The following CNTNAP2 variants were observed in gnomAD, a reference collection of about 807,000 sequenced individuals.
CNTNAP2 encodes the protein contactin associated protein 2.
Under a neutral mutation model 155.2 loss-of-function variants are expected in CNTNAP2, and 98 were observed. The observed-to-expected ratio is 0.63, with a 90% confidence interval of 0.54 to 0.75. The LOEUF is 0.75. Among genes scored for constraint, CNTNAP2 ranks in the 30% least tolerant of loss-of-function variants. The pLI, the probability that CNTNAP2 is intolerant of heterozygous loss-of-function variation, is 0.00. For synonymous variants in CNTNAP2, 651 were observed against 631.2 expected (o/e 1.03, Z -0.47); for missense variants, 1,727 against 1,688.1 (o/e 1.02, Z -0.40).
At chr7:147,470,297 T>C (rs754286511) in intron 10 of CNTNAP2, among the ~76,000 whole-genome samples, 16 of 152,162 alleles carry the variant, frequency 1.1e-4, no homozygotes, top group Non-Finnish European at 2.1e-4. Flanking sequence ...AGATGGTAGC[T>C]ATGGTAGTGT....
intron 3 of CNTNAP2, among the ~76,000 whole-genome samples, chr7:146,972,304 T>C (rs1196276794): frequency 6.6e-6 from 1 of 152,172 alleles, no homozygotes; most frequent in Non-Finnish European, 1.5e-5. Flanking sequence ...TAGCCTAGTA[T>C]TTCATTTAAA....
At chr7:146,277,649 G>A (rs2129084303) in intron 1 of CNTNAP2, among the ~76,000 whole-genome samples, 1 of 152,216 alleles carries the variant, frequency 6.6e-6, no homozygotes, top group Admixed American at 6.5e-5. Flanking sequence ...GTTTATATTT[G>A]TTTAATCTTA....
At chr7:148,050,683 C>A (rs553042926) in intron 15 of CNTNAP2, among the ~76,000 whole-genome samples, 1 of 152,336 alleles carries the variant, frequency 6.6e-6, no homozygotes, top group Admixed American at 6.5e-5. Flanking sequence ...TCACTCTCCA[C>A]TCACTCACTG....
chr7:146,169,681 T>A (rs1004464912), intron 1 of CNTNAP2, among the ~76,000 whole-genome samples: 1 of 151,804 alleles, frequency 6.6e-6, no homozygotes, highest in African/African-American at 2.4e-5. Flanking sequence ...ATATGATTTT[T>A]TTTTTTAGAT....
In CNTNAP2 at chr7:148,079,026, T is replaced by C. The variant is rs118189094; in HGVS notation, c.2384-39092T>C. Among the ~76,000 whole-genome samples, 1,225 of 152,338 alleles carry C rather than the reference T, an allele frequency of 8.0e-3. 9 individuals carry two copies. The highest frequency in any genetic ancestry group is 0.017 in the Middle Eastern group (5 of 294). On this transcript the variant is annotated intron_variant, in intron 15 of 23. Transcript: ENST00000361727. ...GTGGTGTCTACATCTTGAATAATTCTCACTGCATATCGTTGCTTGAATTGT... is the reference window on the plus strand; with the variant it reads ...GTGGTGTCTACATCTTGAATAATTCCCACTGCATATCGTTGCTTGAATTGT...
chr7:146,965,118 C>T (rs372889755), intron 3 of CNTNAP2, among the ~76,000 whole-genome samples: 23 of 152,084 alleles, frequency 1.5e-4, no homozygotes, highest in South Asian at 8.3e-4. Context: ...CATGTAAGAA[C>T]GGCAGGAAGG....
rs59510598 is a variant in CNTNAP2 at position 146,758,148 on chromosome 7, A to G, written c.98-16123A>G. Among the ~76,000 whole-genome samples, 986 of 152,278 alleles carry G rather than the reference A, an allele frequency of 6.5e-3. 7 individuals are homozygous for G. The highest frequency in any genetic ancestry group is 0.022 in the African/African-American group (916 of 41,564). On this transcript the variant is annotated intron_variant, in intron 1 of 23. Coordinates refer to ENST00000361727, the MANE Select transcript of CNTNAP2 (RefSeq NM_014141.6). Reference sequence around the variant, plus strand: ...CTGCTTAGCTTTCAAGGATCAGCACACTTTCAATCACTTTTTCTTAACACT... The same window carrying G: ...CTGCTTAGCTTTCAAGGATCAGCACGCTTTCAATCACTTTTTCTTAACACT...
intron 1 of CNTNAP2, among the ~76,000 whole-genome samples, chr7:146,686,346 C>T (rs772132035): frequency 3.3e-5 from 5 of 151,980 alleles, no homozygotes; most frequent in African/African-American, 4.8e-5. Context: ...AGTAGCAGTG[C>T]GATTGTACGT....
chr7:147,550,108 A>G (rs960836645), intron 11 of CNTNAP2, among the ~76,000 whole-genome samples: 2 of 152,208 alleles, frequency 1.3e-5, no homozygotes, highest in Non-Finnish European at 2.9e-5. Flanking sequence ...TTTTAACAAC[A>G]TAAATGCCTT....
In CNTNAP2 at chr7:147,512,422, A is replaced by T. The variant is rs117859062; in HGVS notation, c.1777+26381A>T. Among the ~76,000 whole-genome samples the T allele has an allele frequency of 3.5e-3, 529 of 152,340 alleles. 1 individual carries two copies. The highest frequency in any genetic ancestry group is 0.031 in the East Asian group (159 of 5,174). Reference sequence around the variant, plus strand: ...ACTAATTGTCCATACAACAGTTCCTAATGTTACATTTTAGTTAGATGATCT... The same window carrying T: ...ACTAATTGTCCATACAACAGTTCCTTATGTTACATTTTAGTTAGATGATCT... On this transcript the variant is annotated intron_variant, in intron 11 of 23. Coordinates refer to ENST00000361727, the MANE Select transcript of CNTNAP2 (RefSeq NM_014141.6).
Position 146,145,908 on chromosome 7 carries a change from T to C in CNTNAP2, c.97+28935T>C, listed in dbSNP as rs541488509. On this transcript the variant is annotated intron_variant, in intron 1 of 23. Coordinates refer to ENST00000361727, the MANE Select transcript of CNTNAP2 (RefSeq NM_014141.6). The stretch of plus-strand genomic sequence containing the variant: ...AGTTTGTGTCTGCTGCATTGCACTT[T>C]CAATATCTAGGACAGAATTTCATAC... Among the ~76,000 whole-genome samples, 14 of 152,314 alleles carry C rather than the reference T, an allele frequency of 9.2e-5. 1 individual carries two copies. The South Asian group carries it at 2.9e-3, about 32-fold the overall frequency.
At chr7:146,234,472 T>A (rs1235058393) in intron 1 of CNTNAP2, among the ~76,000 whole-genome samples, 2 of 146,400 alleles carry the variant, frequency 1.4e-5, no homozygotes, top group Non-Finnish European at 3.0e-5. Context: ...TTTAATTAGA[T>A]CCCATTTGTC....
chr7:148,013,640 A>G (rs999081661), intron 15 of CNTNAP2, among the ~76,000 whole-genome samples: 39 of 152,232 alleles, frequency 2.6e-4, no homozygotes, highest in African/African-American at 9.2e-4. Context: ...AGGAAAATCA[A>G]TTATTGGTGT....
At position 148,257,542 on chromosome 7, in the gene CNTNAP2, C is replaced by T. The variant is rs573527830; in HGVS notation, c.3382-9491C>T. Among the ~76,000 whole-genome samples the T allele has an allele frequency of 3.0e-4, 45 of 152,314 alleles. No individual in the cohort carries two copies. In the South Asian group the frequency reaches 4.1e-3, roughly 14 times the overall value. ...CTCCCAAATGGTGTCCTCTCATCTG[C>T]ACCCATGGCTGTTCTTGGGATTGGA... On this transcript the variant is annotated intron_variant, in intron 20 of 23. Coordinates refer to ENST00000361727, the MANE Select transcript of CNTNAP2 (RefSeq NM_014141.6).
chr7:147,531,279 C>T (rs1337941232), intron 11 of CNTNAP2, among the ~76,000 whole-genome samples: 2 of 152,188 alleles, frequency 1.3e-5, no homozygotes, highest in Admixed American at 1.3e-4. Flanking sequence ...GGCAGTGCCC[C>T]AGTTAGGACT....
chr7:146,462,634 T>C (rs1046054123), intron 1 of CNTNAP2, among the ~76,000 whole-genome samples: 1 of 152,210 alleles, frequency 6.6e-6, no homozygotes, highest in Non-Finnish European at 1.5e-5. Context: ...CCAGATATAA[T>C]ATAGCACACA....
At chr7:148,112,164 T>C (rs1804366729) in intron 15 of CNTNAP2, among the ~76,000 whole-genome samples, 1 of 152,156 alleles carries the variant, frequency 6.6e-6, no homozygotes, top group South Asian at 2.1e-4. Context: ...GTTTTACTGC[T>C]GTGTTAGAGA....
intron 11 of CNTNAP2, among the ~76,000 whole-genome samples, chr7:147,556,295 TTG>T (rs1233896423): frequency 6.6e-6 from 1 of 152,134 alleles, no homozygotes; most frequent in Non-Finnish European, 1.5e-5. Context: ...TTTTATATAG[TTG>T]TGATATTATT....
chr7:146,491,838 T>C (rs1396546239), intron 1 of CNTNAP2, among the ~76,000 whole-genome samples: 1 of 152,144 alleles, frequency 6.6e-6, no homozygotes, highest in East Asian at 1.9e-4. Flanking sequence ...TCTCACAATT[T>C]CCAGAAAAAG....
Sources: allele counts gnomAD v4.1 joint callset (sites outside exome capture counted in the v4.1 genomes callset), GRCh38; gene constraint gnomAD v4.1.1; transcripts MANE v1.5; gene names NCBI Gene and HGNC (gene_info 2026-07-23, HGNC 2026-07-21).